PCDHGB3: variants seen among roughly 807,000 people sequenced by gnomAD.
The protein encoded by PCDHGB3 is protocadherin gamma subfamily B, 3.
A neutral mutation model predicts 59.2 loss-of-function variants in PCDHGB3; 40 were observed. The observed-to-expected ratio is 0.68, with a 90% CI of 0.52 to 0.88. The LOEUF is 0.88. PCDHGB3 is among the 40% of genes least tolerant of loss of function. PCDHGB3 has a pLI of 0.00. For missense variants in PCDHGB3, 1,309 were observed against 1,187.9 expected (o/e 1.10, Z -1.50); for synonymous variants, 581 against 503.6 (o/e 1.15, Z -2.06).
At chr5:141,374,163 C>A (rs764323551) in intron 1 of PCDHGB3, 1 of 1,612,604 alleles carries the variant, frequency 6.2e-7, no homozygotes, top group East Asian at 2.2e-5. Flanking sequence ...TGGGGGGCCG[C>A]GGCAGCGCAG....
chr5:141,417,862 G>C, intron 1 of PCDHGB3: 1 of 1,550,466 alleles, frequency 6.4e-7, no homozygotes, highest in Non-Finnish European at 8.7e-7. Flanking sequence ...AGCGAACGAT[G>C]GGAGGGAGCT....
chr5:141,415,755 T>G (rs753465209), intron 1 of PCDHGB3: 41 of 1,387,576 alleles, frequency 3.0e-5, no homozygotes, highest in Middle Eastern at 2.6e-4. Flanking sequence ...TTTTTTTTTT[T>G]TTTTTTTTTT....
intron 1 of PCDHGB3, chr5:141,388,717 C>T (rs544297444): frequency 2.5e-6 from 4 of 1,614,022 alleles, no homozygotes; most frequent in Non-Finnish European, 3.4e-6. Context: ...GCCGAGATTA[C>T]TTTCTCTTTC....
intron 1 of PCDHGB3, among the ~76,000 whole-genome samples, chr5:141,448,838 T>C (rs2098609981): frequency 6.6e-6 from 1 of 151,802 alleles, no homozygotes; most frequent in Non-Finnish European, 1.5e-5. Flanking sequence ...CCAGCTACTC[T>C]GGAGGCTGAG....
rs138087785 is a variant in PCDHGB3, at chr5:141,383,992, G to T, written c.2415+11183G>T. 9.8e-5 allele frequency: 158 copies of T among 1,613,878 alleles called. No homozygotes were observed. The East Asian group carries it at 3.5e-3, about 35-fold the overall frequency. On this transcript the variant is annotated intron_variant, in intron 1 of 3. Coordinates refer to ENST00000576222, the MANE Select transcript of PCDHGB3 (RefSeq NM_018924.5). Reference sequence around the variant, plus strand: ...CCCTGAAGACACACCTCTTGGGACAGTCATTGCTCTTTTCTACCTACAAGA... The same window carrying T: ...CCCTGAAGACACACCTCTTGGGACATTCATTGCTCTTTTCTACCTACAAGA...
chr5:141,460,507 G>A (rs2098991001), intron 1 of PCDHGB3, among the ~76,000 whole-genome samples: 1 of 152,036 alleles, frequency 6.6e-6, no homozygotes. Context: ...ATGCTGAGAA[G>A]GCTATCTTTT....
Position 141,490,942 on chromosome 5 carries a change from C to T in PCDHGB3, c.2416-3865C>T, listed in dbSNP as rs371286343. On this transcript the variant is annotated intron_variant, in intron 1 of 3. Coordinates refer to ENST00000576222, the MANE Select transcript of PCDHGB3 (RefSeq NM_018924.5). This position sits in a 1 kb window ranked among gnomAD's most constrained non-coding sequence, Gnocchi z 5.4. ...TAATGCCCCAGCTGTGCTGCACCCA[C>T]GGCCAGACTGGGAACACTCAGCCCC... 8.7e-5 allele frequency: 141 copies of T among 1,613,526 alleles called. No individual in the cohort carries two copies. Among genetic ancestry groups the T allele is most frequent in the Non-Finnish European group, 1.1e-4 (126 of 1,179,768 alleles).
intron 1 of PCDHGB3, among the ~76,000 whole-genome samples, chr5:141,439,391 G>A (rs880080): frequency 0.036 from 5,494 of 152,210 alleles, 123 homozygotes; most frequent in South Asian, 0.078. Context: ...TCATCACTTC[G>A]ACTTCATGTG....
chr5:141,507,736 G>A (rs1562231670), intron 3 of PCDHGB3, among the ~76,000 whole-genome samples: 1 of 152,240 alleles, frequency 6.6e-6, no homozygotes. Flanking sequence ...CATGCAGCTC[G>A]TTCCCCTGTC....
At chr5:141,460,829 A>C (rs1242954704) in intron 1 of PCDHGB3, among the ~76,000 whole-genome samples, 1 of 151,944 alleles carries the variant, frequency 6.6e-6, no homozygotes, top group African/African-American at 2.4e-5. Flanking sequence ...ATACACACTT[A>C]AAGTAATGGC....
chr5:141,403,333 C>A (rs376895778), intron 1 of PCDHGB3: 1 of 1,613,984 alleles, frequency 6.2e-7, no homozygotes, highest in South Asian at 1.1e-5. Flanking sequence ...CTGATATTAA[C>A]GACAGCGCCC....
chr5:141,476,747 C>T lies in PCDHGB3; in HGVS notation c.2416-18060C>T. The T allele has an allele frequency of 6.2e-7, 1 of 1,614,066 alleles. No homozygotes were observed. The highest frequency in any genetic ancestry group is 8.5e-7 in the Non-Finnish European group (1 of 1,180,036). On this transcript the variant is annotated intron_variant, in intron 1 of 3. Transcript: ENST00000576222. This position sits in a 1 kb window ranked among gnomAD's most constrained non-coding sequence, Gnocchi z 7.6. The stretch of plus-strand genomic sequence containing the variant: ...GGACCGAGAACGGGAGCCTAGTCTC[C>T]AGTTAGTGCTGACGGCGTTGGACGG...
intron 1 of PCDHGB3, chr5:141,413,265 T>A (rs1301684620): frequency 6.2e-7 from 1 of 1,613,840 alleles, no homozygotes; most frequent in African/African-American, 1.3e-5. Context: ...CATGGGAGGC[T>A]GGAGCCCGGC....
In PCDHGB3 at chr5:141,487,579, A is replaced by G. The variant is rs779441421; in HGVS notation, c.2416-7228A>G. 60 of 1,614,022 alleles carry G rather than the reference A, an allele frequency of 3.7e-5. No homozygotes were observed. The South Asian group carries it at 6.0e-4, about 16-fold the overall frequency. The stretch of plus-strand genomic sequence containing the variant: ...CTATGGCAGGGGAGCCTGTTCGCCC[A>G]AGCTGCCCACCCTCTGATCTTCTCT... On this transcript the variant is annotated intron_variant, in intron 1 of 3. Transcript: ENST00000576222. This position sits in a 1 kb window ranked among gnomAD's most constrained non-coding sequence, Gnocchi z 5.0.
chr5:141,389,990 C>CTCA (rs1156236363), intron 1 of PCDHGB3: 4 of 1,614,044 alleles, frequency 2.5e-6, no homozygotes, highest in Non-Finnish European at 2.5e-6. Flanking sequence ...TGCTCTTCCT[C>CTCA]GTGGCCATGA....
Position 141,464,048 on chromosome 5 carries a change from T to G in PCDHGB3, c.2416-30759T>G, listed in dbSNP as rs377735829. Reference sequence around the variant, plus strand: ...GGGAGGCCAAGGCGGGTGGATCACCTGAGGTCAGGAGTTCAAGGCCAGCCT... The same window carrying G: ...GGGAGGCCAAGGCGGGTGGATCACCGGAGGTCAGGAGTTCAAGGCCAGCCT... On this transcript the variant is annotated intron_variant, in intron 1 of 3. Transcript: ENST00000576222. 1.2e-4 allele frequency among the ~76,000 whole-genome samples: 18 copies of G among 152,260 alleles called. No individual in the cohort carries two copies. In the East Asian group the frequency reaches 3.5e-3, roughly 29 times the overall value.
chr5:141,489,275 A>C lies in PCDHGB3; in HGVS notation c.2416-5532A>C. On this transcript the variant is annotated intron_variant, in intron 1 of 3. Transcript: ENST00000576222. This position sits in a 1 kb window ranked among gnomAD's most constrained non-coding sequence, Gnocchi z 4.5. ...AAGACACTCCCACAGCTCGCTGGGA[A>C]ATGGCAAGTGCTGTGCATGTTGTCC... The C allele has an allele frequency of 4.5e-6, 7 of 1,556,298 alleles. No individual in the cohort carries two copies. Among genetic ancestry groups the C allele is most frequent in the Non-Finnish European group, 6.1e-6 (7 of 1,151,600 alleles).
At chr5:141,439,183 ACT>A (rs1255299140) in intron 1 of PCDHGB3, among the ~76,000 whole-genome samples, 3 of 145,262 alleles carry the variant, frequency 2.1e-5, no homozygotes, top group Non-Finnish European at 3.0e-5. Context: ...ACATAGTGAG[ACT>A]CTGACAAAAA....
Position 141,375,204 on chromosome 5 carries a change from G to A in PCDHGB3, c.2415+2395G>A, listed in dbSNP as rs368044815. 218 of 1,613,850 alleles carry A rather than the reference G, an allele frequency of 1.4e-4. No individual in the cohort carries two copies. The highest frequency in any genetic ancestry group is 1.7e-4 in the Non-Finnish European group (204 of 1,179,898). ...ATCGCCCTTTTTCAAGTGTTCGATC[G>A]AGACTCTGGCCTGAATGGCCTGGTA... On this transcript the variant is annotated intron_variant, in intron 1 of 3. Coordinates refer to ENST00000576222, the MANE Select transcript of PCDHGB3 (RefSeq NM_018924.5).
Sources: gnomAD v4.1 joint callset for allele counts (sites outside exome capture counted in the v4.1 genomes callset) on GRCh38, gnomAD v4.1.1 for gene constraint, Gnocchi (gnomAD v3.1) non-coding constraint, MANE v1.5 for transcripts, NCBI Gene and HGNC (gene_info 2026-07-23, HGNC 2026-07-21) for gene names.